KIF1B: variants seen among roughly 807,000 people sequenced by gnomAD.
KIF1B encodes kinesin family member 1B.
A neutral mutation model predicts 241.9 loss-of-function variants in KIF1B; 76 were observed. The ratio of observed to expected loss-of-function variants is 0.31; its 90% confidence interval spans 0.26 to 0.38. KIF1B has a LOEUF of 0.38. Among genes scored for constraint, KIF1B ranks in the 10% least tolerant of loss-of-function variants. KIF1B has a pLI of 1.00. For synonymous variants in KIF1B, 750 were observed against 796.7 expected (o/e 0.94, Z 0.99); for missense variants, 1,622 against 2,271.4 (o/e 0.71, Z 5.81).
At chr1:10,359,025 T>G (rs891048518) in intron 38 of KIF1B, among the ~76,000 whole-genome samples, 6 of 152,220 alleles carry the variant, frequency 3.9e-5, no homozygotes, top group African/African-American at 1.4e-4. Flanking sequence ...GAGAGAGTAT[T>G]AAGTACTTGA....
intron 4 of KIF1B, among the ~76,000 whole-genome samples, chr1:10,260,454 G>A (rs1425443279): frequency 6.6e-6 from 1 of 152,110 alleles, no homozygotes; most frequent in Admixed American, 6.5e-5. Context: ...ACTAAATTTA[G>A]TTTTAAAAAC....
intron 43 of KIF1B, among the ~76,000 whole-genome samples, chr1:10,366,425 G>A (rs745757391): frequency 8.6e-5 from 13 of 151,858 alleles, no homozygotes; most frequent in Admixed American, 1.3e-4. Flanking sequence ...CGACACCTGC[G>A]TGATCAGGAG....
At chr1:10,353,253 A>G (rs1008360484) in intron 38 of KIF1B, among the ~76,000 whole-genome samples, 27 of 152,226 alleles carry the variant, frequency 1.8e-4, no homozygotes, top group African/African-American at 6.3e-4. Flanking sequence ...TTTATGCACA[A>G]AAGCGATAAA....
chr1:10,218,754 C>T (rs1040980644), intron 1 of KIF1B, among the ~76,000 whole-genome samples: 99 of 152,098 alleles, frequency 6.5e-4, no homozygotes, highest in African/African-American at 2.2e-3. Context: ...CTTGCTGTGT[C>T]GTTTGGTTTT....
chr1:10,308,602 G>A, intron 22 of KIF1B: 1 of 1,014,038 alleles, frequency 9.9e-7, no homozygotes. Flanking sequence ...TTTTAAGAGT[G>A]TGATTTCTCT....
At chr1:10,256,824 G>T (rs1291993537) in intron 3 of KIF1B, among the ~76,000 whole-genome samples, 1 of 151,936 alleles carries the variant, frequency 6.6e-6, no homozygotes, top group African/African-American at 2.4e-5. Flanking sequence ...CGATTCTCCC[G>T]CCTCAGCCTC....
At chr1:10,224,408 G>T (rs1035201458) in intron 1 of KIF1B, among the ~76,000 whole-genome samples, 2 of 152,076 alleles carry the variant, frequency 1.3e-5, no homozygotes, top group Admixed American at 1.3e-4. Context: ...GAGCTGCCGT[G>T]CCCAGCCTGT....
At chr1:10,313,832 G>A (rs1569803331) in intron 22 of KIF1B, among the ~76,000 whole-genome samples, 1 of 151,358 alleles carries the variant, frequency 6.6e-6, no homozygotes, top group Non-Finnish European at 1.5e-5. Context: ...TTACAGGCGT[G>A]AGCCACCGTG....
chr1:10,299,399 C>G (rs548409220), intron 22 of KIF1B, among the ~76,000 whole-genome samples: 3 of 152,132 alleles, frequency 2.0e-5, no homozygotes, highest in Non-Finnish European at 4.4e-5. Flanking sequence ...TCTGTCTGTT[C>G]CACTTTCATT....
rs1284322954 is a variant in KIF1B, at chr1:10,321,797, C to G, written c.2298C>G (p.Leu766=). 2 of 1,614,200 alleles carry G rather than the reference C, an allele frequency of 1.2e-6. No homozygotes were observed. Among genetic ancestry groups the G allele is most frequent in the Admixed American group, 1.7e-5 (1 of 60,030 alleles). The change falls in exon 24 of 49, where the codon CTC becomes CTG. Residue 766 remains leucine (L), a synonymous_variant. Coordinates refer to ENST00000676179, the MANE Select transcript of KIF1B (RefSeq NM_001365951.3). The part of the protein sequence containing the change: ...SHQFTSLRDL[L]WGNAVYLKEA... ...AGTTTACTTCATTACGGGACTTACT[C>G]TGGGGCAATGCCGTGTACCTAAAGG...
chr1:10,356,232 G>A (rs1272419684), intron 38 of KIF1B, among the ~76,000 whole-genome samples: 3 of 152,002 alleles, frequency 2.0e-5, no homozygotes, highest in African/African-American at 7.3e-5. Context: ...CTGGCATGAT[G>A]GTGGGCGCCT....
chr1:10,215,160 A>ATT (rs1646748155), intron 1 of KIF1B, among the ~76,000 whole-genome samples: 1 of 69,752 alleles, frequency 1.4e-5, no homozygotes, highest in African/African-American at 9.1e-5. Flanking sequence ...ATATATATAT[A>ATT]TATATATATA....
intron 19 of KIF1B, among the ~76,000 whole-genome samples, chr1:10,296,100 G>A (rs2102257293): frequency 6.6e-6 from 1 of 152,300 alleles, no homozygotes; most frequent in South Asian, 2.1e-4. Context: ...AGTCAACCCA[G>A]CAGAATTTAT....
intron 27 of KIF1B, among the ~76,000 whole-genome samples, chr1:10,327,360 G>T (rs1651762958): frequency 6.6e-6 from 1 of 152,040 alleles, no homozygotes; most frequent in Admixed American, 6.6e-5. Flanking sequence ...AATTAGCCGG[G>T]CATGGTGGCG....
chr1:10,229,867 C>CAAAAA (rs58923572), intron 1 of KIF1B, among the ~76,000 whole-genome samples: 1,043 of 55,088 alleles, frequency 0.019, 2 homozygotes, highest in Non-Finnish European at 0.024. Flanking sequence ...GACTCCGTCT[C>CAAAAA]AAAAAAAAAA....
rs556982540 is a variant in KIF1B at position 10,244,607 on chromosome 1, C to T, written c.107-11640C>T. Among the ~76,000 whole-genome samples, 140 of 145,060 alleles carry T rather than the reference C, an allele frequency of 9.7e-4. 1 individual carries two copies. Among genetic ancestry groups the T allele is most frequent in the African/African-American group, 3.4e-3 (134 of 39,456 alleles). ...GATTACAGGCCTGAGCCACCGCGCC[C>T]GGCCCTCCTTTTTTTTTTTTTTTGA... On this transcript the variant is annotated intron_variant, in intron 2 of 48. Transcript: ENST00000676179.
At chr1:10,280,444 C>G (rs1649353294) in intron 14 of KIF1B, among the ~76,000 whole-genome samples, 1 of 152,004 alleles carries the variant, frequency 6.6e-6, no homozygotes, top group East Asian at 1.9e-4. Context: ...TCATGTTAGC[C>G]AGGATGGTCT....
chr1:10,303,428 C>CAATT lies in KIF1B; in HGVS notation c.2115+6182_2115+6183insAATT, dbSNP rs1401574245. On this transcript the variant is annotated intron_variant, in intron 22 of 48. Coordinates refer to ENST00000676179, the MANE Select transcript of KIF1B (RefSeq NM_001365951.3). The surrounding 1 kb of genome is among the most constrained non-coding windows in gnomAD (Gnocchi z 5.2). The stretch of plus-strand genomic sequence containing the variant: ...GTCAAAGAGATTTGCTATGAGGTTG[C>CAATT]TCTCAATGACTTCAGGCACAGTCGG... The CAATT allele has an allele frequency of 3.7e-6, 6 of 1,614,200 alleles. No individual in the cohort carries two copies. Among genetic ancestry groups the CAATT allele is most frequent in the Non-Finnish European group, 5.1e-6 (6 of 1,180,040 alleles).
At chr1:10,272,033 C>G (rs561742124) in intron 8 of KIF1B, among the ~76,000 whole-genome samples, 4 of 152,184 alleles carry the variant, frequency 2.6e-5, no homozygotes, top group Non-Finnish European at 4.4e-5. Context: ...ACAAATATCT[C>G]GAAGATACTT....
Sources: gnomAD v4.1 joint callset for allele counts (sites outside exome capture counted in the v4.1 genomes callset) on GRCh38, gnomAD v4.1.1 for gene constraint, Gnocchi (gnomAD v3.1) non-coding constraint, MANE v1.5 for transcripts, NCBI Gene and HGNC (gene_info 2026-07-23, HGNC 2026-07-21) for gene names.